RAPGEF4: variants seen among roughly 807,000 people sequenced by gnomAD.
RAPGEF4 encodes RAP guanine-nucleotide-exchange factor (GEF) 4.
RAPGEF4 carries 66 observed loss-of-function variants against 147.9 expected under a neutral mutation model. That is an observed-to-expected ratio of 0.45 (90% CI 0.37 to 0.55). RAPGEF4 has a LOEUF of 0.55. Among genes scored for constraint, RAPGEF4 ranks in the 20% least tolerant of loss-of-function variants. RAPGEF4 has a pLI of 0.00. For synonymous variants in RAPGEF4, 419 were observed against 442.7 expected (o/e 0.95, Z 0.67); for missense variants, 1,071 against 1,257.3 (o/e 0.85, Z 2.24).
intron 1 of RAPGEF4, among the ~76,000 whole-genome samples, chr2:172,790,029 A>T (rs140179826): frequency 6.6e-6 from 1 of 152,330 alleles, no homozygotes; most frequent in Non-Finnish European, 1.5e-5. Flanking sequence ...CTTTTTGAGG[A>T]ATCTCTAAAC....
intron 1 of RAPGEF4, among the ~76,000 whole-genome samples, chr2:172,765,358 AC>A (rs1696727449): frequency 6.6e-6 from 1 of 152,212 alleles, no homozygotes; most frequent in Non-Finnish European, 1.5e-5. Flanking sequence ...ACACTGTTCA[AC>A]CCAGTACAGA....
Position 172,869,980 on chromosome 2 carries a change from C to T in RAPGEF4, c.445-47822C>T, listed in dbSNP as rs181302344. On this transcript the variant is annotated intron_variant, in intron 4 of 30. Transcript: ENST00000397081. ...ACATCCTACGGGTGAACTCCACTCC[C>T]GGGGAGTGGGCATTTCAAACTAGGA... Among the ~76,000 whole-genome samples the T allele has an allele frequency of 1.9e-3, 295 of 152,200 alleles. 1 individual carries two copies. The highest frequency in any genetic ancestry group is 5.5e-3 in the Admixed American group (84 of 15,284).
intron 4 of RAPGEF4, among the ~76,000 whole-genome samples, chr2:172,828,165 A>T (rs766661756): frequency 2.6e-4 from 39 of 152,320 alleles, no homozygotes; most frequent in Non-Finnish European, 5.1e-4. Flanking sequence ...GAGATAAAAG[A>T]TACAACAGGG....
chr2:172,799,913 C>T (rs149782811), intron 3 of RAPGEF4, among the ~76,000 whole-genome samples: 4 of 152,250 alleles, frequency 2.6e-5, no homozygotes, highest in African/African-American at 9.6e-5. Flanking sequence ...AGTATCTGGC[C>T]AGGGGTTTCG....
intron 1 of RAPGEF4, among the ~76,000 whole-genome samples, chr2:172,786,290 G>T (rs1011459913): frequency 1.3e-5 from 2 of 152,108 alleles, no homozygotes; most frequent in Admixed American, 6.5e-5. Flanking sequence ...CCTGAACCTT[G>T]TTGGTACTCG....
intron 1 of RAPGEF4, among the ~76,000 whole-genome samples, chr2:172,770,936 A>T (rs934339236): frequency 3.3e-5 from 5 of 152,086 alleles, no homozygotes; most frequent in African/African-American, 1.2e-4. Context: ...GTCCATCATG[A>T]CTTAAAAAAA....
chr2:172,874,330 T>C (rs1343173402), intron 4 of RAPGEF4, among the ~76,000 whole-genome samples: 2 of 152,180 alleles, frequency 1.3e-5, no homozygotes, highest in Non-Finnish European at 2.9e-5. Flanking sequence ...ACATGTGCCA[T>C]GTTGGTGTGC....
intron 4 of RAPGEF4, among the ~76,000 whole-genome samples, chr2:172,900,660 A>G (rs999848312): frequency 2.6e-5 from 4 of 152,052 alleles, no homozygotes; most frequent in East Asian, 1.9e-4. Flanking sequence ...ATTAGCACCA[A>G]TCTCCCTTTC....
intron 26 of RAPGEF4, among the ~76,000 whole-genome samples, chr2:173,030,778 A>T (rs1258354637): frequency 6.6e-6 from 1 of 152,110 alleles, no homozygotes; most frequent in Non-Finnish European, 1.5e-5. Flanking sequence ...ACGGAGAGGA[A>T]CAACAGTTGG....
chr2:172,877,470 C>T (rs1054854600), intron 4 of RAPGEF4, among the ~76,000 whole-genome samples: 22 of 150,448 alleles, frequency 1.5e-4, no homozygotes, highest in Admixed American at 8.6e-4. Flanking sequence ...CACCATGGCA[C>T]GTGTATACCT....
intron 1 of RAPGEF4, among the ~76,000 whole-genome samples, chr2:172,765,025 C>G (rs528491923): frequency 2.6e-5 from 4 of 152,174 alleles, no homozygotes; most frequent in African/African-American, 9.7e-5. Context: ...GAAATGAAGG[C>G]GTTGTCAGGA....
At chr2:172,983,682 A>G in intron 11 of RAPGEF4, 102 bp downstream of exon 11, 1 of 1,494,130 alleles carries the variant, frequency 6.7e-7, no homozygotes, top group Non-Finnish European at 8.9e-7. Flanking sequence ...AGAATGTCTG[A>G]TTTTCACCTC....
At chr2:172,973,677 AC>A (rs1690760070) in intron 10 of RAPGEF4, among the ~76,000 whole-genome samples, 2 of 152,182 alleles carry the variant, frequency 1.3e-5, no homozygotes, top group Admixed American at 6.5e-5. Context: ...CATTTGGGGC[AC>A]CACTGAAGAG....
At chr2:172,756,357 G>A (rs185711945) in intron 1 of RAPGEF4, among the ~76,000 whole-genome samples, 5 of 152,268 alleles carry the variant, frequency 3.3e-5, no homozygotes, top group East Asian at 1.9e-4. Flanking sequence ...TTTGCGCATC[G>A]CTTTGGATAC....
Position 173,035,344 on chromosome 2 carries a change from TAA to T in RAPGEF4, c.2701-775_2701-774del, listed in dbSNP as rs1170271841. ...TAACATGGTGAAACCCCGTCTCTAC[TAA>T]AAAAATACAAAAAAATTAGCCAGGC... is the stretch of plus-strand genomic sequence containing the variant. On this transcript the variant is annotated intron_variant, in intron 27 of 30. Coordinates refer to ENST00000397081, the MANE Select transcript of RAPGEF4 (RefSeq NM_007023.4). Among the ~76,000 whole-genome samples, 19 of 151,710 alleles carry T rather than the reference TAA, an allele frequency of 1.3e-4. No individual in the cohort carries two copies. The East Asian group carries it at 3.5e-3, about 28-fold the overall frequency.
chr2:172,965,530 T>G (rs1361652624), intron 8 of RAPGEF4, 32 bp from the exon 9 acceptor site: 2 of 1,607,398 alleles, frequency 1.2e-6, no homozygotes, highest in African/African-American at 2.7e-5. Context: ...AAGGGGTGAC[T>G]TCCCCACCCT....
intron 16 of RAPGEF4, among the ~76,000 whole-genome samples, chr2:172,999,138 T>C (rs1032763940): frequency 6.6e-6 from 1 of 152,246 alleles, no homozygotes; most frequent in Non-Finnish European, 1.5e-5. Flanking sequence ...CAGTGTATTC[T>C]AAGGCTGGCG....
chr2:172,988,948 C>T (rs1298475891), intron 14 of RAPGEF4, 109 bp downstream of exon 14: 8 of 1,234,416 alleles, frequency 6.5e-6, no homozygotes, highest in African/African-American at 1.5e-5. Context: ...TGAATGAGTG[C>T]TCTAGGCACA....
chr2:172,736,914 A>C (rs577869821), intron 1 of RAPGEF4, among the ~76,000 whole-genome samples: 1 of 152,236 alleles, frequency 6.6e-6, no homozygotes. Flanking sequence ...AGTTTGATGC[A>C]GAAGGGCAAT....
Sources: allele counts gnomAD v4.1 joint callset (sites outside exome capture counted in the v4.1 genomes callset), GRCh38; gene constraint gnomAD v4.1.1; transcripts MANE v1.5; gene names NCBI Gene and HGNC (gene_info 2026-07-23, HGNC 2026-07-21).